Variants in HSPBAP1 observed in about 807,000 individuals in gnomAD.
HSPBAP1 encodes HSPB1 associated protein 1.
Under a neutral mutation model 45.2 loss-of-function variants are expected in HSPBAP1, and 27 were observed. That is an observed-to-expected ratio of 0.60 (90% CI 0.44 to 0.82). HSPBAP1 has a LOEUF of 0.82. Ranked by LOEUF, HSPBAP1 falls within the 40% of genes least tolerant of loss-of-function variation. The pLI is 0.00. For synonymous variants in HSPBAP1, 204 were observed against 202.7 expected (o/e 1.01, Z -0.06); for missense variants, 510 against 590.9 (o/e 0.86, Z 1.42).
rs1334438389 is a variant in HSPBAP1, at chr3:122,780,163, G to A, written c.65-2257C>T. 8.0e-5 allele frequency among the ~76,000 whole-genome samples: 8 copies of A among 99,628 alleles called. 1 individual carries two copies. Among genetic ancestry groups the A allele is most frequent in the South Asian group, 3.6e-4 (1 of 2,806 alleles). The allele number at this position is 99,628 out of a possible 152,430, so 65.4% of individuals were successfully genotyped here. On this transcript the variant is annotated intron_variant, in intron 1 of 7. Transcript: ENST00000306103. ...TGACCCCCCCACCTCCCTCCTGGAC[G>A]GGGCGGCTGGCCGGGCGGGGGGCTG...
At chr3:122,773,381 C>A (rs184818834) in intron 2 of HSPBAP1, among the ~76,000 whole-genome samples, 1 of 142,720 alleles carries the variant, frequency 7.0e-6, no homozygotes, top group East Asian at 2.1e-4. Flanking sequence ...ACTATCTTGG[C>A]TCACTGCAAC....
chr3:122,758,610 T>C (rs531956073), intron 4 of HSPBAP1, among the ~76,000 whole-genome samples: 22 of 152,198 alleles, frequency 1.4e-4, no homozygotes, highest in Non-Finnish European at 2.4e-4. Context: ...CAAACTCTTA[T>C]GTAAAAAAGA....
chr3:122,764,146 A>G (rs1040329692), intron 3 of HSPBAP1, among the ~76,000 whole-genome samples: 2 of 152,258 alleles, frequency 1.3e-5, no homozygotes, highest in Admixed American at 6.5e-5. Flanking sequence ...TCCTTTAACA[A>G]TATTGTAAGC....
At chr3:122,764,381 G>A (rs1360301628) in intron 3 of HSPBAP1, among the ~76,000 whole-genome samples, 3 of 152,064 alleles carry the variant, frequency 2.0e-5, no homozygotes, top group Admixed American at 6.5e-5. Flanking sequence ...TGTAGCATTT[G>A]TCAGCCTTGG....
chr3:122,793,715 G>A lies in HSPBAP1; in HGVS notation c.-35C>T. ...AAGGCGGGTTCTGCCGGAACCCAAG[G>A]CGGAGCGGAGCTGGGGTGGGGTCAG... On this transcript the variant is annotated 5_prime_UTR_variant, in exon 1 of 8. Transcript: ENST00000306103. 1 of 1,607,064 alleles carries A rather than the reference G, an allele frequency of 6.2e-7. No homozygotes were observed. The highest frequency in any genetic ancestry group is 8.5e-7 in the Non-Finnish European group (1 of 1,174,472).
chr3:122,763,833 A>C (rs1483192452), intron 3 of HSPBAP1, among the ~76,000 whole-genome samples: 1 of 152,266 alleles, frequency 6.6e-6, no homozygotes, highest in Non-Finnish European at 1.5e-5. Context: ...AGTTAAAATT[A>C]TATAAGGATA....
At chr3:122,746,701 G>A (rs988136620) in intron 6 of HSPBAP1, among the ~76,000 whole-genome samples, 77 of 151,338 alleles carry the variant, frequency 5.1e-4, no homozygotes, top group Non-Finnish European at 9.3e-4. Flanking sequence ...CTCTGATGCC[G>A]AGCCGAAGCT....
At chr3:122,769,120 C>T (rs1447823862) in intron 2 of HSPBAP1, among the ~76,000 whole-genome samples, 3 of 151,536 alleles carry the variant, frequency 2.0e-5, no homozygotes, top group African/African-American at 4.8e-5. Context: ...AGCAAAACCC[C>T]ATCTCCAAAA....
chr3:122,757,789 G>A (rs1369429401), intron 4 of HSPBAP1, among the ~76,000 whole-genome samples: 1 of 152,174 alleles, frequency 6.6e-6, no homozygotes, highest in African/African-American at 2.4e-5. Flanking sequence ...GAGAATTCAG[G>A]TATTTTTTGA....
intron 4 of HSPBAP1, chr3:122,758,640 G>T: frequency 2.3e-6 from 1 of 430,628 alleles, no homozygotes; most frequent in South Asian, 1.7e-5. Flanking sequence ...CATAGGCTGG[G>T]CATAGTGGCT....
At chr3:122,780,527 C>A (rs1237279212) in intron 1 of HSPBAP1, among the ~76,000 whole-genome samples, 1 of 138,022 alleles carries the variant, frequency 7.2e-6, no homozygotes, top group East Asian at 2.1e-4. Flanking sequence ...CACCTCCCTC[C>A]CGGACGGGGC....
chr3:122,784,126 G>A (rs775856803), intron 1 of HSPBAP1, among the ~76,000 whole-genome samples: 28 of 152,172 alleles, frequency 1.8e-4, no homozygotes, highest in Non-Finnish European at 3.1e-4. Flanking sequence ...ACCATGCCCA[G>A]CCTTTTCAAT....
chr3:122,740,857 C>A lies in HSPBAP1; in HGVS notation c.955G>T (p.Ala319Ser). The part of the protein sequence containing the change: ...NPTEVEETSH[A>S]VNCCYLNAAV... The stretch of plus-strand genomic sequence containing the variant: ...GCATTTAAGTAGCAACAGTTGACTG[C>A]ATGGGACGTTTCCTCAACCTAAGGG... Residue 319 changes from alanine (A) to serine (S), a missense_variant, in exon 8 of 8, where the codon GCA becomes TCA. Physicochemically the swap from Ala to Ser is moderately conservative, Grantham distance 99. Coordinates refer to ENST00000306103, the MANE Select transcript of HSPBAP1 (RefSeq NM_024610.6). 6.2e-7 allele frequency: 1 copy of A among 1,614,024 alleles called. No homozygotes were observed. Among genetic ancestry groups the A allele is most frequent in the South Asian group, 1.1e-5 (1 of 91,090 alleles).
rs751434368 is a variant in HSPBAP1, at chr3:122,793,644, C to G, written c.37G>C (p.Val13Leu). ...TCCTCCCCTCCAGCCCCAGCCGCAA[C>G]GATCACAGGAGTGGTCGCCTCGGAG... is the stretch of plus-strand genomic sequence containing the variant. ...AGSEATTPVI[V>L]AAGAGGEEGE... is the part of the protein sequence containing the mutation. The change falls in exon 1 of 8, where the codon GTT becomes CTT. Residue 13 changes from valine to leucine, a missense_variant. Val to Leu is a conservative substitution (Grantham distance 32). Transcript: ENST00000306103. The G allele has an allele frequency of 1.3e-4, 209 of 1,613,980 alleles. 1 individual carries two copies. The highest frequency in any genetic ancestry group is 3.3e-4 in the Middle Eastern group (2 of 6,058).
chr3:122,750,077 C>T (rs1225953339), intron 6 of HSPBAP1, among the ~76,000 whole-genome samples: 1 of 150,528 alleles, frequency 6.6e-6, no homozygotes, highest in South Asian at 2.1e-4. Flanking sequence ...CTGGTTCAAG[C>T]GATTCTCCTG....
chr3:122,749,539 T>C (rs1186512279), intron 6 of HSPBAP1, among the ~76,000 whole-genome samples: 1 of 152,114 alleles, frequency 6.6e-6, no homozygotes, highest in Non-Finnish European at 1.5e-5. Flanking sequence ...TGCAAAGAAA[T>C]CTTAATTTTT....
chr3:122,743,428 T>C (rs1933736646), intron 6 of HSPBAP1, among the ~76,000 whole-genome samples: 1 of 152,122 alleles, frequency 6.6e-6, no homozygotes, highest in Non-Finnish European at 1.5e-5. Context: ...TAGCTGGGCC[T>C]GGTGGTGCAT....
intron 7 of HSPBAP1, 21 bp downstream of exon 7, chr3:122,740,982 T>G (rs1362722735): frequency 6.2e-7 from 1 of 1,609,802 alleles, no homozygotes; most frequent in South Asian, 1.1e-5. Flanking sequence ...ACTGCCATGA[T>G]GAAGACCAGA....
At chr3:122,758,133 G>A (rs1934425242) in intron 4 of HSPBAP1, among the ~76,000 whole-genome samples, 1 of 137,260 alleles carries the variant, frequency 7.3e-6, no homozygotes, top group Non-Finnish European at 1.7e-5. Flanking sequence ...CATCTAATAG[G>A]TCTGAGAACT....
Sources: gnomAD v4.1 joint callset for allele counts (sites outside exome capture counted in the v4.1 genomes callset) on GRCh38, gnomAD v4.1.1 for gene constraint, MANE v1.5 for transcripts, NCBI Gene and HGNC (gene_info 2026-07-23, HGNC 2026-07-21) for gene names.